TENM2: variants seen among roughly 807,000 people sequenced by gnomAD.
TENM2 encodes the protein teneurin transmembrane protein 2, also known as teneurin-2.
Under a neutral mutation model 245.2 loss-of-function variants are expected in TENM2, and 52 were observed. That is an observed-to-expected ratio of 0.21 (90% confidence interval 0.17 to 0.27). TENM2 has a LOEUF of 0.27. Among genes scored for constraint, TENM2 ranks in the 10% least tolerant of loss-of-function variants. The probability of loss-of-function intolerance (pLI) is 1.00; values close to 1 mark genes in which losing one functional copy is unlikely to be tolerated. For missense variants in TENM2, 3,046 were observed against 3,666.8 expected, an observed-to-expected ratio of 0.83 and a Z score of 4.37; for synonymous variants, 1,363 against 1,438.9, an observed-to-expected ratio of 0.95 and a Z score of 1.19.
chr5:168,239,156 C>T (rs1311118086), intron 25 of TENM2, among the ~76,000 whole-genome samples: 2 of 152,126 alleles, frequency 1.3e-5, no homozygotes, highest in Admixed American at 1.3e-4. Flanking sequence ...GCCTGTTGGA[C>T]CCTCCAGCAT....
intron 25 of TENM2, among the ~76,000 whole-genome samples, chr5:168,235,613 C>A (rs1765360366): frequency 6.6e-6 from 1 of 152,184 alleles, no homozygotes; most frequent in Non-Finnish European, 1.5e-5. Context: ...TCAAGACTAG[C>A]CTAGCCAACA....
the TENM2 span, among the ~76,000 whole-genome samples, chr5:167,275,948 A>G: frequency 6.6e-6 from 1 of 152,030 alleles, no homozygotes; most frequent in East Asian, 1.9e-4. Flanking sequence ...TTCTCAGGGG[A>G]GATACTGTGA....
chr5:167,656,893 A>G (rs1003948299), intron 2 of TENM2, among the ~76,000 whole-genome samples: 2 of 151,832 alleles, frequency 1.3e-5, no homozygotes, highest in African/African-American at 4.8e-5. Context: ...CATGTAATGT[A>G]TAGTGATCAA....
the TENM2 span, among the ~76,000 whole-genome samples, chr5:167,068,858 A>G: frequency 5.9e-5 from 9 of 152,344 alleles, no homozygotes; most frequent in African/African-American, 2.2e-4. Context: ...GTATTAAGTA[A>G]TAGAGAGATC....
At chr5:168,134,937 G>A (rs1754915913) in intron 12 of TENM2, among the ~76,000 whole-genome samples, 1 of 152,164 alleles carries the variant, frequency 6.6e-6, no homozygotes, top group African/African-American at 2.4e-5. Context: ...GAAGGAAGCT[G>A]GCATTTCTCA....
At chr5:167,346,980 C>A (rs939360924) in intron 1 of TENM2, among the ~76,000 whole-genome samples, 4 of 151,866 alleles carry the variant, frequency 2.6e-5, no homozygotes, top group African/African-American at 9.7e-5. Flanking sequence ...TGCCATGTTG[C>A]CCAGGCTGGT....
chr5:167,900,440 A>T (rs544638970), intron 3 of TENM2, among the ~76,000 whole-genome samples: 5 of 152,292 alleles, frequency 3.3e-5, no homozygotes, highest in African/African-American at 1.2e-4. Flanking sequence ...CAGGCTTGGC[A>T]TGAGGACCTC....
intron 2 of TENM2, among the ~76,000 whole-genome samples, chr5:167,635,731 G>A (rs905640089): frequency 4.2e-5 from 6 of 143,244 alleles, no homozygotes; most frequent in Non-Finnish European, 7.4e-5. Context: ...TGCAAGCTCC[G>A]CCTCCCGGGT....
At chr5:167,021,323 C>T in the TENM2 span, among the ~76,000 whole-genome samples, 1 of 152,098 alleles carries the variant, frequency 6.6e-6, no homozygotes, top group African/African-American at 2.4e-5. Context: ...TAAATGTACT[C>T]AAATGATTGC....
the TENM2 span, among the ~76,000 whole-genome samples, chr5:167,014,023 C>A: frequency 6.6e-6 from 1 of 151,906 alleles, no homozygotes; most frequent in Non-Finnish European, 1.5e-5. Flanking sequence ...CTTGTCATCA[C>A]CTAAATGAAT....
intron 2 of TENM2, among the ~76,000 whole-genome samples, chr5:167,573,529 C>CT (rs1774422367): frequency 2.4e-5 from 2 of 81,842 alleles, no homozygotes; most frequent in Non-Finnish European, 2.7e-5. Flanking sequence ...TCCCCCTCTC[C>CT]CCCTCTCTCT....
At chr5:167,452,931 T>TTTA (rs1264260420) in intron 2 of TENM2, among the ~76,000 whole-genome samples, 146 of 4,874 alleles carry the variant, frequency 0.03, 2 homozygotes, top group Non-Finnish European at 0.082. Flanking sequence ...AAAGTATGAT[T>TTTA]TATATATATA....
chr5:167,891,528 A>G (rs1372129479), intron 3 of TENM2, among the ~76,000 whole-genome samples: 1 of 152,196 alleles, frequency 6.6e-6, no homozygotes, highest in African/African-American at 2.4e-5. Flanking sequence ...CCTGGACCCA[A>G]TATCCTTATT....
At chr5:167,450,624 G>T (rs975392400) in intron 2 of TENM2, among the ~76,000 whole-genome samples, 2 of 152,028 alleles carry the variant, frequency 1.3e-5, no homozygotes. Context: ...TTCTAAGTTA[G>T]TTAATATTTA....
chr5:167,348,460 C>T (rs1471850542), intron 1 of TENM2, among the ~76,000 whole-genome samples: 4 of 152,156 alleles, frequency 2.6e-5, no homozygotes, highest in Non-Finnish European at 5.9e-5. Context: ...ATCCTGGCGA[C>T]AGCTTGCTTA....
At chr5:167,160,347 A>G in the TENM2 span, among the ~76,000 whole-genome samples, 1 of 152,162 alleles carries the variant, frequency 6.6e-6, no homozygotes, top group Non-Finnish European at 1.5e-5. Context: ...TGCTGCTTTC[A>G]ATGGTCCCTA....
At chr5:167,347,079 T>C (rs977460077) in intron 1 of TENM2, among the ~76,000 whole-genome samples, 3 of 151,950 alleles carry the variant, frequency 2.0e-5, no homozygotes, top group African/African-American at 7.3e-5. Flanking sequence ...GCTCCAGCTT[T>C]TACAGAGAAA....
chr5:167,789,341 G>A (rs1278985478), intron 2 of TENM2, among the ~76,000 whole-genome samples: 2 of 152,190 alleles, frequency 1.3e-5, no homozygotes, highest in African/African-American at 2.4e-5. Context: ...GCCAGAACTA[G>A]TCGTAGGTCA....
At chr5:168,214,935 A>G (rs1459699383) in intron 20 of TENM2, 105 bp from the exon 23 acceptor site, 2 of 865,336 alleles carry the variant, frequency 2.3e-6, no homozygotes, top group East Asian at 2.6e-5. Flanking sequence ...GTGGAAAGAC[A>G]CTAGAGAAGG....
Sources: allele counts gnomAD v4.1 joint callset (sites outside exome capture counted in the v4.1 genomes callset), GRCh38; gene constraint gnomAD v4.1.1; transcripts MANE v1.5; gene names NCBI Gene and HGNC (gene_info 2026-07-23, HGNC 2026-07-21).